FMN1: variants seen among roughly 807,000 people sequenced by gnomAD.
The protein encoded by FMN1 is formin-1.
FMN1 carries 110 observed loss-of-function variants against 132.4 expected under a neutral mutation model. The ratio of observed to expected loss-of-function variants is 0.83; its 90% CI spans 0.71 to 0.97. FMN1 has a LOEUF of 0.97. FMN1 is among the 50% of genes least tolerant of loss of function. The pLI is 0.00. For missense variants in FMN1, 1,792 were observed against 1,705.3 expected (o/e 1.05, Z -0.90); for synonymous variants, 722 against 651.7 (o/e 1.11, Z -1.64).
At chr15:32,964,016 T>TATATACAC (rs1555505892) in intron 9 of FMN1, 91 bp downstream of exon 9, 9,025 of 507,622 alleles carry the variant, frequency 0.018, 58 homozygotes, top group Middle Eastern at 0.024. Flanking sequence ...GTATATACGA[T>TATATACAC]ACACACACAC....
chr15:33,118,393 GAACA>G (rs1231846147), intron 4 of FMN1, among the ~76,000 whole-genome samples: 1 of 152,088 alleles, frequency 6.6e-6, no homozygotes, highest in African/African-American at 2.4e-5. Context: ...TAAATGATTA[GAACA>G]AACCAGAAAA....
At chr15:32,839,249 C>T (rs1247662312) in intron 17 of FMN1, among the ~76,000 whole-genome samples, 1 of 152,114 alleles carries the variant, frequency 6.6e-6, no homozygotes, top group Admixed American at 6.5e-5. Flanking sequence ...AGAACTGGAA[C>T]CCCTCTCCCT....
At position 33,079,203 on chromosome 15, in the gene FMN1, CAGAAT is replaced by C. The variant is rs555093750; in HGVS notation, c.2043+9591_2043+9595del. ...ATATGAACAGCTATGTATTTCTCAT[CAGAAT>C]AGGAGACGAAGAAATAAGAATGTGT... On this transcript the variant is annotated intron_variant, in intron 5 of 20. Coordinates refer to ENST00000616417, the MANE Select transcript of FMN1 (RefSeq NM_001277313.2). Among the ~76,000 whole-genome samples, 47 of 152,226 alleles carry C rather than the reference CAGAAT, an allele frequency of 3.1e-4. 1 individual carries two copies. The South Asian group carries it at 4.6e-3, about 15-fold the overall frequency.
rs1244860414 is a variant in FMN1 at position 32,771,137 on chromosome 15, GGT to G, written c.*3171_*3172del. 1.5e-3 allele frequency: 230 copies of G among 150,216 alleles called. No homozygotes were observed. Among genetic ancestry groups the G allele is most frequent in the African/African-American group, 5.4e-3 (218 of 40,584 alleles). 9.3% of individuals were successfully genotyped at this position (150,216 alleles called of 1,614,324 possible). A position where few individuals can be genotyped will look rare whatever the true frequency, so the allele number is the denominator to read the frequency against. On this transcript the variant is annotated 3_prime_UTR_variant, in exon 21 of 21. Coordinates refer to ENST00000616417, the MANE Select transcript of FMN1 (RefSeq NM_001277313.2). ...ACTGTCGCCCAGGCTGGAGTGCAGT[GGT>G]GCTATCTCGGCTAGCTGCAAGCTCC...
intron 9 of FMN1, among the ~76,000 whole-genome samples, chr15:32,959,929 T>C (rs1363922455): frequency 1.3e-5 from 2 of 152,152 alleles, no homozygotes; most frequent in African/African-American, 4.8e-5. Context: ...AAGAAAGCAT[T>C]CAGAGGAGAT....
intron 9 of FMN1, among the ~76,000 whole-genome samples, chr15:32,939,441 T>C (rs1163238973): frequency 6.6e-6 from 1 of 151,756 alleles, no homozygotes; most frequent in Non-Finnish European, 1.5e-5. Context: ...ATGTGGAACA[T>C]GACAAAGATT....
At chr15:32,938,287 G>C (rs1268545974) in intron 9 of FMN1, among the ~76,000 whole-genome samples, 3 of 152,152 alleles carry the variant, frequency 2.0e-5, no homozygotes, top group African/African-American at 7.2e-5. Flanking sequence ...CCAGCAACTT[G>C]AGAGGTCGAG....
At chr15:32,958,205 T>C (rs1171521972) in intron 9 of FMN1, among the ~76,000 whole-genome samples, 1 of 152,146 alleles carries the variant, frequency 6.6e-6, no homozygotes, top group African/African-American at 2.4e-5. Context: ...AGGAAATACT[T>C]TGGATATGCA....
intron 17 of FMN1, among the ~76,000 whole-genome samples, chr15:32,806,251 G>A (rs1009744322): frequency 6.6e-6 from 1 of 152,102 alleles, no homozygotes; most frequent in African/African-American, 2.4e-5. Flanking sequence ...AAGGGATTTT[G>A]AAACATCACC....
intron 4 of FMN1, among the ~76,000 whole-genome samples, chr15:33,120,804 C>T (rs1962482568): frequency 6.6e-6 from 1 of 151,926 alleles, no homozygotes; most frequent in African/African-American, 2.4e-5. Flanking sequence ...TATGAACATT[C>T]TTGCATGTTT....
chr15:33,106,187 A>G (rs2039477087), intron 4 of FMN1: 1 of 151,974 alleles, frequency 6.6e-6, no homozygotes, highest in African/African-American at 2.4e-5. Context: ...CACCTGGCCC[A>G]ATATTACTAT....
rs1404528879 is a variant in FMN1 at position 33,164,659 on chromosome 15, G to C, written c.-131-9614C>G. ...AAAAATGAGTATTAGCTTTCCACAT[G>C]ATTTCCATGAAAATTAGATATTGAG... On this transcript the variant is annotated intron_variant, in intron 3 of 20. Coordinates refer to ENST00000616417, the MANE Select transcript of FMN1 (RefSeq NM_001277313.2). 2.0e-5 allele frequency among the ~76,000 whole-genome samples: 3 copies of C among 152,140 alleles called. No homozygotes were observed. The East Asian group carries it at 5.8e-4, about 29-fold the overall frequency.
At chr15:33,152,526 C>T (rs1159185381) in intron 4 of FMN1, among the ~76,000 whole-genome samples, 1 of 151,996 alleles carries the variant, frequency 6.6e-6, no homozygotes, top group African/African-American at 2.4e-5. Flanking sequence ...AAAATAATAG[C>T]ACTTATCGAG....
rs149482177 is a variant in FMN1, at chr15:32,885,326, C to CTCTG, written c.3835+2845_3835+2846insCAGA. Among the ~76,000 whole-genome samples the CTCTG allele has an allele frequency of 4.2e-3, 644 of 152,248 alleles. 1 individual carries two copies. Among genetic ancestry groups the CTCTG allele is most frequent in the African/African-American group, 0.015 (613 of 41,542 alleles). ...GCTTGTGTATATATGTTCAGTAACT[C>CTCTG]TAATTTTTTTCTTCATGAGGCTTCA... On this transcript the variant is annotated intron_variant, in intron 16 of 20. Transcript: ENST00000616417.
chr15:33,068,619 T>C (rs1307857958), intron 5 of FMN1, among the ~76,000 whole-genome samples: 1 of 136,068 alleles, frequency 7.3e-6, no homozygotes, highest in Admixed American at 7.8e-5. Flanking sequence ...GTTAATTTAC[T>C]GCCCTTGAAG....
At chr15:33,067,355 G>C (rs764906644) in intron 5 of FMN1, 2 of 1,613,862 alleles carry the variant, frequency 1.2e-6, no homozygotes, top group East Asian at 2.2e-5. Context: ...GGACTCCTGA[G>C]ATGGCTCAGA....
chr15:33,067,049 C>T, intron 5 of FMN1: 1 of 1,613,936 alleles, frequency 6.2e-7, no homozygotes, highest in Non-Finnish European at 8.5e-7. Context: ...CACACGAAGC[C>T]CACTGAAAAA....
intron 9 of FMN1, among the ~76,000 whole-genome samples, chr15:32,933,524 ATTGT>A (rs975068170): frequency 2.2e-4 from 33 of 152,104 alleles, no homozygotes; most frequent in African/African-American, 7.9e-4. Context: ...CTGTTTCCTT[ATTGT>A]TTATCTATCT....
rs1377825661 is a variant in FMN1, at chr15:32,771,757, T to C, written c.*2553A>G. On this transcript the variant is annotated 3_prime_UTR_variant, in exon 21 of 21. Transcript: ENST00000616417. Reference sequence around the variant, plus strand: ...TCTCCAGGAAAAGTTCAGATCCTCCTGCTACACTGAACACAAGCTCAACAG... The same window carrying C: ...TCTCCAGGAAAAGTTCAGATCCTCCCGCTACACTGAACACAAGCTCAACAG... 1 of 152,246 alleles carries C rather than the reference T, an allele frequency of 6.6e-6. No homozygotes were observed. The highest frequency in any genetic ancestry group is 1.9e-4 in the East Asian group (1 of 5,184). The allele number at this position is 152,246 out of a possible 1,614,324, so 9.4% of individuals were successfully genotyped here. A position where few individuals can be genotyped will look rare whatever the true frequency, so the allele number is the denominator to read the frequency against.
Sources: allele counts gnomAD v4.1 joint callset (sites outside exome capture counted in the v4.1 genomes callset), GRCh38; gene constraint gnomAD v4.1.1; transcripts MANE v1.5; gene names NCBI Gene and HGNC (gene_info 2026-07-23, HGNC 2026-07-21).